The following DNAH5 variants were observed in gnomAD, a reference collection of about 807,000 sequenced individuals.
DNAH5 encodes axonemal beta dynein heavy chain 5.
In DNAH5, 372 loss-of-function variants were observed where a neutral mutation model predicts 518.2. The observed-to-expected ratio is 0.72, with a 90% CI of 0.66 to 0.78. DNAH5 has a LOEUF of 0.78. Among genes scored for constraint, DNAH5 ranks in the 30% least tolerant of loss-of-function variants. The pLI is 0.00. For synonymous variants in DNAH5, 2,039 were observed against 2,025.9 expected, an observed-to-expected ratio of 1.01 and a Z score of -0.17; for missense variants, 5,523 against 5,687.0, an observed-to-expected ratio of 0.97 and a Z score of 0.93.
chr5:13,808,766 T>C (rs1043429202), intron 46 of DNAH5, among the ~76,000 whole-genome samples: 1 of 152,110 alleles, frequency 6.6e-6, no homozygotes, highest in Non-Finnish European at 1.5e-5. Context: ...GAGACCATGC[T>C]GGCTAACATG....
intron 72 of DNAH5, among the ~76,000 whole-genome samples, chr5:13,718,368 C>T (rs1744586930): frequency 6.6e-6 from 1 of 152,142 alleles, no homozygotes. Context: ...TGACCACAAG[C>T]CCCATACATA....
intron 1 of DNAH5, among the ~76,000 whole-genome samples, chr5:13,986,952 G>T (rs10080058): frequency 0.039 from 5,964 of 152,268 alleles, 231 homozygotes; most frequent in East Asian, 0.12. Flanking sequence ...GGATCTGCTT[G>T]TCATGCATCA....
chr5:13,933,078 A>T (rs761052145), intron 1 of DNAH5, among the ~76,000 whole-genome samples: 32 of 152,200 alleles, frequency 2.1e-4, no homozygotes, highest in Non-Finnish European at 3.7e-4. Context: ...AGAATAAAAA[A>T]CGTCTCCAGA....
rs1300115173 is a variant in DNAH5 at position 13,867,813 on chromosome 5, G to A, written c.4014C>T (p.Phe1338=). The A allele has an allele frequency of 1.2e-6, 2 of 1,613,868 alleles. No homozygotes were observed. The highest frequency in any genetic ancestry group is 2.7e-5 in the African/African-American group (2 of 74,894). The change falls in exon 25 of 79, where the codon TTC becomes TTT. Residue 1338 remains phenylalanine (F), a synonymous_variant. Coordinates refer to ENST00000265104, the MANE Select transcript of DNAH5 (RefSeq NM_001369.3). ...KKELISAVEV[F]LQDCHQFYLD... is the part of the protein sequence containing the mutation. Reference sequence around the variant, plus strand: ...GATAAAACTGGTGACAATCTTGGAGGAATACCTCCACAGCACTAATAAGCT... The same window carrying A: ...GATAAAACTGGTGACAATCTTGGAGAAATACCTCCACAGCACTAATAAGCT...
chr5:13,881,379 T>C (rs979445074), intron 21 of DNAH5, among the ~76,000 whole-genome samples: 7 of 152,004 alleles, frequency 4.6e-5, no homozygotes, highest in African/African-American at 1.7e-4. Context: ...CTCTCTATGG[T>C]AGATCATATG....
intron 31 of DNAH5, among the ~76,000 whole-genome samples, chr5:13,849,598 T>C (rs942470471): frequency 6.6e-6 from 1 of 152,172 alleles, no homozygotes; most frequent in African/African-American, 2.4e-5. Flanking sequence ...GCTCTATAAA[T>C]CTAAGGTCCA....
chr5:13,941,916 C>CT (rs1779494209), intron 1 of DNAH5, among the ~76,000 whole-genome samples: 1 of 152,186 alleles, frequency 6.6e-6, no homozygotes, highest in South Asian at 2.1e-4. Context: ...TCAAGTTGTT[C>CT]TTTTTTCTGG....
chr5:13,960,256 G>A (rs930551874), intron 1 of DNAH5, among the ~76,000 whole-genome samples: 1 of 152,172 alleles, frequency 6.6e-6, no homozygotes, highest in Non-Finnish European at 1.5e-5. Flanking sequence ...GAAACGAGGT[G>A]GACCGTACTG....
At chr5:13,734,933 C>T (rs1009312865) in intron 68 of DNAH5, among the ~76,000 whole-genome samples, 198 bp downstream of exon 68, 3 of 152,074 alleles carry the variant, frequency 2.0e-5, no homozygotes, top group African/African-American at 7.2e-5. Context: ...GCCCCAAATA[C>T]CTATTCCATG....
intron 61 of DNAH5, among the ~76,000 whole-genome samples, chr5:13,758,576 A>C (rs1220821313): frequency 6.6e-6 from 1 of 152,212 alleles, no homozygotes; most frequent in Non-Finnish European, 1.5e-5. Flanking sequence ...ATGGGAGGAC[A>C]TGATTTGAAA....
intron 50 of DNAH5, among the ~76,000 whole-genome samples, chr5:13,789,261 T>C (rs890626066): frequency 9.9e-5 from 15 of 152,166 alleles, no homozygotes; most frequent in African/African-American, 3.6e-4. Context: ...GGCCAGAGTA[T>C]AACATAAGAT....
chr5:13,866,256 C>T lies in DNAH5; in HGVS notation c.4080G>A (p.Lys1360=), dbSNP rs868751294. The change falls in exon 26 of 79, where the codon AAG becomes AAA. Residue 1360 remains lysine, a synonymous_variant. Coordinates refer to ENST00000265104, the MANE Select transcript of DNAH5 (RefSeq NM_001369.3). ...DLNGPMASGL[K]PQEASDRLIM... is the part of the protein sequence containing the mutation. Reference sequence around the variant, plus strand: ...TAAGCCTGTCACTGGCTTCCTGGGGCTTCAAGCCGCTAGCCATTGGACCAT... The same window carrying T: ...TAAGCCTGTCACTGGCTTCCTGGGGTTTCAAGCCGCTAGCCATTGGACCAT... 2 of 1,612,916 alleles carry T rather than the reference C, an allele frequency of 1.2e-6. No homozygotes were observed. The highest frequency in any genetic ancestry group is 8.5e-7 in the Non-Finnish European group (1 of 1,179,740).
intron 55 of DNAH5, chr5:13,771,370 C>A (rs1753315922): frequency 1.2e-5 from 3 of 257,116 alleles, no homozygotes; most frequent in Non-Finnish European, 2.3e-5. Flanking sequence ...TTTATTTTGT[C>A]ACTCAGAACC....
At chr5:13,904,439 T>C (rs533838681) in intron 12 of DNAH5, among the ~76,000 whole-genome samples, 54 of 148,526 alleles carry the variant, frequency 3.6e-4, no homozygotes, top group Non-Finnish European at 6.2e-4. Context: ...TTTATATATA[T>C]GTGGATTATA....
chr5:13,941,371 A>T (rs919571821), intron 1 of DNAH5, among the ~76,000 whole-genome samples: 4 of 152,032 alleles, frequency 2.6e-5, no homozygotes, highest in Non-Finnish European at 5.9e-5. Context: ...ATGGAAAAAA[A>T]ATTTTTAAAT....
chr5:13,711,602 C>A (rs545972825), intron 75 of DNAH5, among the ~76,000 whole-genome samples: 79 of 152,220 alleles, frequency 5.2e-4, no homozygotes, highest in Middle Eastern at 6.8e-3. Context: ...ACGATATGAT[C>A]GCTTGCCTTG....
intron 24 of DNAH5, among the ~76,000 whole-genome samples, chr5:13,869,520 A>G (rs1301873582): frequency 6.6e-6 from 1 of 152,162 alleles, no homozygotes; most frequent in African/African-American, 2.4e-5. Flanking sequence ...AATAAGATTT[A>G]AAGACATGCA....
At chr5:13,913,624 T>A in intron 11 of DNAH5, 119 bp downstream of exon 11, 1 of 1,185,964 alleles carries the variant, frequency 8.4e-7, no homozygotes, top group Non-Finnish European at 1.2e-6. Context: ...GGCCATGAGA[T>A]TATTTATATT....
At position 13,894,794 on chromosome 5, in the gene DNAH5, T is replaced by C. The variant is rs1168803856; in HGVS notation, c.2287A>G (p.Lys763Glu). 1 of 1,613,998 alleles carries C rather than the reference T, an allele frequency of 6.2e-7. No individual in the cohort carries two copies. The highest frequency in any genetic ancestry group is 1.1e-5 in the South Asian group (1 of 91,084). Residue 763 changes from lysine to glutamate, a missense_variant, in exon 16 of 79, where the codon AAG becomes GAG. Coordinates refer to ENST00000265104, the MANE Select transcript of DNAH5 (RefSeq NM_001369.3). ...KMMLAEYQRV[K>E]SKIPAAIEQL... The stretch of plus-strand genomic sequence containing the variant: ...TCAATGGCAGCAGGTATTTTTGACT[T>C]CACTCTCTGATATTCAGCTAGCATC...
Sources: gnomAD v4.1 joint callset for allele counts (sites outside exome capture counted in the v4.1 genomes callset) on GRCh38, gnomAD v4.1.1 for gene constraint, MANE v1.5 for transcripts, NCBI Gene and HGNC (gene_info 2026-07-23, HGNC 2026-07-21) for gene names.